KCNN2: variants seen among roughly 807,000 people sequenced by gnomAD.
KCNN2 encodes the protein potassium calcium-activated channel subfamily N member 2, also known as small conductance calcium-activated potassium channel protein 2.
Under a neutral mutation model 55.5 loss-of-function variants are expected in KCNN2, and 24 were observed. The ratio of observed to expected loss-of-function variants is 0.43; its 90% CI spans 0.31 to 0.61. The LOEUF (loss-of-function observed/expected upper bound fraction) is 0.61. KCNN2 is among the 20% of genes least tolerant of loss of function. The pLI, the probability that KCNN2 is intolerant of heterozygous loss-of-function variation, is 0.08. For missense variants in KCNN2, 754 were observed against 853.6 expected, an observed-to-expected ratio of 0.88 and a Z score of 1.45; for synonymous variants, 431 against 336.1, an observed-to-expected ratio of 1.28 and a Z score of -3.09.
rs187657879 is a variant in KCNN2 at position 114,258,711 on chromosome 5, T to A, written c.-185+37146T>A. Among the ~76,000 whole-genome samples the A allele has an allele frequency of 3.7e-3, 568 of 152,320 alleles. 1 individual carries two copies. The highest frequency in any genetic ancestry group is 5.9e-3 in the Admixed American group (90 of 15,304). ...CCCTGTCATGCCCTCATCGTGGTGCTTGGGACACTCACATTGGTCAGACAA... is the reference window on the plus strand; with the variant it reads ...CCCTGTCATGCCCTCATCGTGGTGCATGGGACACTCACATTGGTCAGACAA... On this transcript the variant is annotated intron_variant, in intron 2 of 10. Coordinates refer to the KCNN2 transcript ENST00000512097.
intron 2 of KCNN2, among the ~76,000 whole-genome samples, chr5:114,375,543 A>C (rs893621498): frequency 7.9e-5 from 12 of 152,152 alleles, no homozygotes; most frequent in African/African-American, 2.7e-4. Context: ...TTGTCTCTTG[A>C]GGTGAGAATA....
chr5:114,409,169 G>T, intron 3 of KCNN2, among the ~76,000 whole-genome samples: 1 of 152,004 alleles, frequency 6.6e-6, no homozygotes, highest in East Asian at 1.9e-4. Flanking sequence ...GGCTTGTTAA[G>T]ACTTCTTCCC....
At chr5:114,197,724 C>T (rs1205327657) in intron 1 of KCNN2, among the ~76,000 whole-genome samples, 2 of 152,088 alleles carry the variant, frequency 1.3e-5, no homozygotes, top group Non-Finnish European at 2.9e-5. Flanking sequence ...GCCTGCTCCT[C>T]CTAGGATGAA....
chr5:114,151,351 C>A (rs1047190125), intron 1 of KCNN2, among the ~76,000 whole-genome samples: 11 of 152,046 alleles, frequency 7.2e-5, no homozygotes, highest in Non-Finnish European at 1.5e-5. Flanking sequence ...TACCCCCAGC[C>A]CCTTCTTTAC....
At chr5:114,345,812 G>A (rs1223298244) in intron 2 of KCNN2, among the ~76,000 whole-genome samples, 5 of 151,964 alleles carry the variant, frequency 3.3e-5, no homozygotes, top group African/African-American at 1.2e-4. Context: ...ATGGAGTTTC[G>A]CTCTGTCACC....
At chr5:114,410,681 G>C (rs574850918) in intron 3 of KCNN2, among the ~76,000 whole-genome samples, 1 of 152,192 alleles carries the variant, frequency 6.6e-6, no homozygotes, top group East Asian at 1.9e-4. Context: ...GAAAGGAAAA[G>C]AGAGAGCAAA....
chr5:114,113,842 A>C (rs1580525865), intron 1 of KCNN2, among the ~76,000 whole-genome samples: 1 of 152,076 alleles, frequency 6.6e-6, no homozygotes, highest in African/African-American at 2.4e-5. Context: ...CTATGGCAGT[A>C]CTCATTGCTC....
chr5:114,099,219 C>T (rs1011088171), intron 1 of KCNN2, among the ~76,000 whole-genome samples: 1 of 152,058 alleles, frequency 6.6e-6, no homozygotes, highest in African/African-American at 2.4e-5. Context: ...CAATTTGGGG[C>T]CAGTCACATA....
chr5:114,479,507 ATT>A (rs964209323), intron 5 of KCNN2, among the ~76,000 whole-genome samples: 15 of 152,188 alleles, frequency 9.9e-5, no homozygotes, highest in African/African-American at 3.6e-4. Context: ...GAGACAGAAA[ATT>A]GTAACAGAGA....
At chr5:114,200,906 A>G (rs1753662540) in intron 1 of KCNN2, among the ~76,000 whole-genome samples, 1 of 152,104 alleles carries the variant, frequency 6.6e-6, no homozygotes, top group South Asian at 2.1e-4. Flanking sequence ...CAGTGGTGGC[A>G]GTAGTGGTGC....
chr5:114,439,054 TA>T (rs906320282), intron 3 of KCNN2, among the ~76,000 whole-genome samples: 7 of 152,156 alleles, frequency 4.6e-5, no homozygotes, highest in Non-Finnish European at 7.4e-5. Flanking sequence ...GTACAGTACA[TA>T]AAAAAATCTG....
intron 2 of KCNN2, among the ~76,000 whole-genome samples, chr5:114,308,891 G>A (rs1756342928): frequency 6.6e-6 from 1 of 152,122 alleles, no homozygotes; most frequent in Non-Finnish European, 1.5e-5. Flanking sequence ...AGAGAAGAGT[G>A]AAATTTTGCT....
intron 1 of KCNN2, among the ~76,000 whole-genome samples, chr5:114,122,016 C>T (rs1359311773): frequency 6.6e-6 from 1 of 152,176 alleles, no homozygotes; most frequent in Non-Finnish European, 1.5e-5. Context: ...AACAAATTAT[C>T]ATTTACATTT....
chr5:114,170,941 C>CT (rs1288954964), intron 1 of KCNN2, among the ~76,000 whole-genome samples: 5 of 151,870 alleles, frequency 3.3e-5, no homozygotes, highest in African/African-American at 1.2e-4. Flanking sequence ...AGAATTAATT[C>CT]TTTTTTATCA....
intron 2 of KCNN2, among the ~76,000 whole-genome samples, chr5:114,354,377 G>A (rs1387788754): frequency 6.6e-6 from 1 of 151,986 alleles, no homozygotes. Flanking sequence ...GGTTCAATTA[G>A]ATATACTAGA....
chr5:114,196,489 A>G lies in KCNN2; in HGVS notation c.-270-24991A>G, dbSNP rs532963804. On this transcript the variant is annotated intron_variant, in intron 1 of 10. Transcript: ENST00000512097. Reference sequence around the variant, plus strand: ...TCACCAACAGGCCAAATGGGCCTGGACTTTTCTTTGTGGGAAGTTTTAAAT... The same window carrying G: ...TCACCAACAGGCCAAATGGGCCTGGGCTTTTCTTTGTGGGAAGTTTTAAAT... 2.0e-5 allele frequency among the ~76,000 whole-genome samples: 3 copies of G among 152,134 alleles called. No individual in the cohort carries two copies. In the South Asian group the frequency reaches 6.2e-4, roughly 32 times the overall value.
At chr5:114,248,526 T>A (rs1754792481) in intron 2 of KCNN2, among the ~76,000 whole-genome samples, 1 of 151,636 alleles carries the variant, frequency 6.6e-6, no homozygotes, top group African/African-American at 2.4e-5. Flanking sequence ...AAATACTTCT[T>A]TTTTTATAAG....
intron 1 of KCNN2, among the ~76,000 whole-genome samples, chr5:114,117,719 G>C (rs1044505226): frequency 1.2e-4 from 18 of 152,278 alleles, no homozygotes; most frequent in Middle Eastern, 3.4e-3. Context: ...GGGAAGAACT[G>C]CATGACCCAA....
intron 2 of KCNN2, among the ~76,000 whole-genome samples, chr5:114,295,217 C>T (rs1344721862): frequency 1.3e-5 from 2 of 152,196 alleles, no homozygotes; most frequent in Admixed American, 6.5e-5. Context: ...AGAACCGCTA[C>T]TCTCTTCAAA....
Sources: gnomAD v4.1 joint callset for allele counts (sites outside exome capture counted in the v4.1 genomes callset) on GRCh38, gnomAD v4.1.1 for gene constraint, MANE v1.5 for transcripts, NCBI Gene and HGNC (gene_info 2026-07-23, HGNC 2026-07-21) for gene names.